ZBTB8A: variants seen among roughly 807,000 people sequenced by gnomAD.
The protein encoded by ZBTB8A is zinc finger and BTB domain-containing protein 8A.
In ZBTB8A, 19 loss-of-function variants were observed where a neutral mutation model predicts 37.8. That is an observed-to-expected ratio of 0.50 (90% CI 0.35 to 0.74). ZBTB8A has a LOEUF of 0.74. Ranked by LOEUF, ZBTB8A falls within the 30% of genes least tolerant of loss-of-function variation. ZBTB8A has a pLI of 0.01. For synonymous variants in ZBTB8A, 181 were observed against 185.2 expected (o/e 0.98, Z 0.19); for missense variants, 394 against 537.8 (o/e 0.73, Z 2.65).
chr1:32,596,728 G>C (rs1213121924), intron 4 of ZBTB8A, among the ~76,000 whole-genome samples: 1 of 152,090 alleles, frequency 6.6e-6, no homozygotes, highest in Non-Finnish European at 1.5e-5. Flanking sequence ...TATGTATATT[G>C]ATTTTTAATC....
intron 2 of ZBTB8A, among the ~76,000 whole-genome samples, chr1:32,586,022 AAAG>A (rs1289626691): frequency 3.3e-5 from 5 of 149,686 alleles, no homozygotes; most frequent in Non-Finnish European, 7.4e-5. Flanking sequence ...AAACAAAAAA[AAAG>A]AACGATTTCT....
chr1:32,604,499 C>T lies in ZBTB8A; in HGVS notation c.*4080C>T, dbSNP rs1644600442. On this transcript the variant is annotated 3_prime_UTR_variant, in exon 5 of 5. Coordinates refer to ENST00000373510, the MANE Select transcript of ZBTB8A (RefSeq NM_001040441.3). ...TCCTGTTACTCACGGTGCTTATAAG[C>T]AGGTAACCATATGGTCTCTTAGTGA... 6.6e-6 allele frequency: 1 copy of T among 152,172 alleles called. No individual in the cohort carries two copies. The highest frequency in any genetic ancestry group is 2.1e-4 in the South Asian group (1 of 4,828). 9.4% of individuals were successfully genotyped at this position (152,172 alleles called of 1,614,324 possible).
At chr1:32,569,228 ATTTT>A (rs927915149) in intron 2 of ZBTB8A, among the ~76,000 whole-genome samples, 2 of 151,450 alleles carry the variant, frequency 1.3e-5, no homozygotes, top group Non-Finnish European at 2.9e-5. Flanking sequence ...TCATGTGCTT[ATTTT>A]GTTTGTTTTC....
intron 2 of ZBTB8A, among the ~76,000 whole-genome samples, chr1:32,579,366 A>G (rs1267260465): frequency 6.6e-6 from 1 of 151,274 alleles, no homozygotes; most frequent in East Asian, 1.9e-4. Flanking sequence ...CAGGAGAATC[A>G]CTTCAACCCG....
chr1:32,578,892 T>A (rs1433113668), intron 2 of ZBTB8A, among the ~76,000 whole-genome samples: 1 of 152,078 alleles, frequency 6.6e-6, no homozygotes, highest in Non-Finnish European at 1.5e-5. Flanking sequence ...ATCTTTTTTT[T>A]ATGGAATGGT....
At chr1:32,554,135 C>T (rs1644179952) in intron 2 of ZBTB8A, among the ~76,000 whole-genome samples, 1 of 133,796 alleles carries the variant, frequency 7.5e-6, no homozygotes, top group South Asian at 2.4e-4. Flanking sequence ...GGGCAGCGGA[C>T]GTTGCAGTGA....
At chr1:32,598,685 A>G (rs1206500462) in intron 4 of ZBTB8A, among the ~76,000 whole-genome samples, 18 of 152,278 alleles carry the variant, frequency 1.2e-4, no homozygotes, top group Admixed American at 7.9e-4. Context: ...TCTGACAGCT[A>G]TTGAACAAAA....
chr1:32,555,871 TC>T (rs1249228799), intron 2 of ZBTB8A, among the ~76,000 whole-genome samples: 2 of 152,080 alleles, frequency 1.3e-5, no homozygotes, highest in Non-Finnish European at 2.9e-5. Context: ...ACTCTGGACT[TC>T]CCAATTTCTT....
intron 2 of ZBTB8A, among the ~76,000 whole-genome samples, chr1:32,558,438 AACACACACAC>A (rs35047367): frequency 2.8e-4 from 41 of 145,768 alleles, no homozygotes; most frequent in Non-Finnish European, 3.2e-4. Flanking sequence ...CTAAGTATTA[AACACACACAC>A]ACACACACAC....
intron 2 of ZBTB8A, among the ~76,000 whole-genome samples, chr1:32,587,219 A>T (rs1371964414): frequency 1.2e-4 from 19 of 152,060 alleles, no homozygotes; most frequent in Admixed American, 1.2e-3. Flanking sequence ...AACCTGGGCA[A>T]CAAGAGCGAA....
chr1:32,576,430 G>A (rs1026980300), intron 2 of ZBTB8A, among the ~76,000 whole-genome samples: 7 of 151,824 alleles, frequency 4.6e-5, no homozygotes, highest in Admixed American at 2.0e-4. Flanking sequence ...CTAAAGCTCC[G>A]TTCATTTTTT....
chr1:32,599,500 C>T (rs1012149649), intron 4 of ZBTB8A, among the ~76,000 whole-genome samples: 10 of 152,062 alleles, frequency 6.6e-5, no homozygotes, highest in Non-Finnish European at 1.2e-4. Flanking sequence ...AGACAGATGA[C>T]GAGGTCAGGA....
intron 2 of ZBTB8A, among the ~76,000 whole-genome samples, chr1:32,570,995 C>T (rs1202301158): frequency 6.6e-6 from 1 of 152,092 alleles, no homozygotes; most frequent in East Asian, 1.9e-4. Flanking sequence ...CCTGCCTCAG[C>T]CTCCTGCGTA....
intron 4 of ZBTB8A, among the ~76,000 whole-genome samples, chr1:32,596,636 C>A (rs1245896202): frequency 6.6e-6 from 1 of 152,004 alleles, no homozygotes; most frequent in African/African-American, 2.4e-5. Context: ...ATCTCATTTG[C>A]TGAGGGAAAT....
At chr1:32,545,757 G>A (rs1031138719) in intron 1 of ZBTB8A, among the ~76,000 whole-genome samples, 3 of 152,076 alleles carry the variant, frequency 2.0e-5, no homozygotes, top group Non-Finnish European at 4.4e-5. Flanking sequence ...TGCTCTCTCT[G>A]GCTAGAACGC....
At chr1:32,576,414 A>G (rs371300127) in intron 2 of ZBTB8A, among the ~76,000 whole-genome samples, 1 of 152,026 alleles carries the variant, frequency 6.6e-6, no homozygotes, top group Non-Finnish European at 1.5e-5. Flanking sequence ...ATTGTTCCAC[A>G]TTTCACTAAA....
In ZBTB8A at chr1:32,601,699, C is replaced by T; in HGVS notation, c.*1280C>T. On this transcript the variant is annotated 3_prime_UTR_variant, in exon 5 of 5. Coordinates refer to ENST00000373510, the MANE Select transcript of ZBTB8A (RefSeq NM_001040441.3). Reference sequence around the variant, plus strand: ...AAACAATCCTCTTTCAGCCTTCTCTCCCTGTATGTCTCCTGAAATGGCAAA... The same window carrying T: ...AAACAATCCTCTTTCAGCCTTCTCTTCCTGTATGTCTCCTGAAATGGCAAA... The T allele has an allele frequency of 2.5e-6, 1 of 398,518 alleles. No homozygotes were observed. The allele number at this position is 398,518 out of a possible 1,614,324, so 24.7% of individuals were successfully genotyped here.
intron 2 of ZBTB8A, among the ~76,000 whole-genome samples, chr1:32,570,249 A>T (rs1386893324): frequency 2.0e-5 from 3 of 152,152 alleles, no homozygotes; most frequent in African/African-American, 4.8e-5. Context: ...TCATGTGTCT[A>T]TTTCTGGACT....
chr1:32,556,166 C>T (rs1267623504), intron 2 of ZBTB8A, among the ~76,000 whole-genome samples: 3 of 151,926 alleles, frequency 2.0e-5, no homozygotes, highest in African/African-American at 4.8e-5. Context: ...CTCCACCTCC[C>T]GGGTTCAAGC....
Sources: allele counts gnomAD v4.1 joint callset (sites outside exome capture counted in the v4.1 genomes callset), GRCh38; gene constraint gnomAD v4.1.1; transcripts MANE v1.5; gene names NCBI Gene and HGNC (gene_info 2026-07-23, HGNC 2026-07-21).